ROCK2: variants seen among roughly 807,000 people sequenced by gnomAD.
ROCK2 encodes Rho associated coiled-coil containing protein kinase 2, also known as rho-associated protein kinase 2.
Under a neutral mutation model 195.1 loss-of-function variants are expected in ROCK2, and 61 were observed. That is an observed-to-expected ratio of 0.31 (90% CI 0.25 to 0.39). The LOEUF is 0.39. Among genes scored for constraint, ROCK2 ranks in the 10% least tolerant of loss-of-function variants. The pLI is 1.00. For synonymous variants in ROCK2, 504 were observed against 545.5 expected (o/e 0.92, Z 1.06); for missense variants, 1,109 against 1,637.4 (o/e 0.68, Z 5.57).
At chr2:11,310,427 A>G (rs1006199668) in intron 1 of ROCK2, among the ~76,000 whole-genome samples, 9 of 152,224 alleles carry the variant, frequency 5.9e-5, no homozygotes, top group Admixed American at 4.6e-4. Context: ...AATTGATGAA[A>G]GATATTGCCA....
At chr2:11,253,128 C>A (rs1319969089) in intron 3 of ROCK2, among the ~76,000 whole-genome samples, 1 of 151,986 alleles carries the variant, frequency 6.6e-6, no homozygotes, top group African/African-American at 2.4e-5. Flanking sequence ...TCAGAGTATG[C>A]CAGTTTTTGT....
chr2:11,228,638 T>C (rs977492869), intron 5 of ROCK2, among the ~76,000 whole-genome samples: 20 of 152,022 alleles, frequency 1.3e-4, no homozygotes, highest in Admixed American at 1.0e-3. Flanking sequence ...TAGACTTCTG[T>C]TGGGGGAAAA....
rs748608634 is a variant in ROCK2 at position 11,214,373 on chromosome 2, A to T, written c.2027T>A (p.Phe676Tyr). The stretch of plus-strand genomic sequence containing the variant: ...ATGTTTTACCTTTTCCAAATCAGTA[A>T]ATCTCTCCTGAAGTTGTCTCTTCTC... Reference protein sequence around the residue: ...ELEKRQLQERFTDLEKEKSNM... With the variant: ...ELEKRQLQERYTDLEKEKSNM... The change falls in exon 17 of 33, where the codon TTT becomes TAT. Residue 676 changes from phenylalanine (F) to tyrosine (Y), a missense_variant. This residue lies in a region of ROCK2 where 542 missense variants were observed against 672.0 expected (regional missense o/e 0.81). Transcript: ENST00000315872. 3 of 1,573,746 alleles carry T rather than the reference A, an allele frequency of 1.9e-6. No homozygotes were observed. Among genetic ancestry groups the T allele is most frequent in the Middle Eastern group, 1.7e-4 (1 of 5,958 alleles).
chr2:11,317,072 G>A (rs1668215967), intron 1 of ROCK2, among the ~76,000 whole-genome samples: 1 of 152,078 alleles, frequency 6.6e-6, no homozygotes. Flanking sequence ...AAATTATCAT[G>A]AGTCCAGAGT....
intron 3 of ROCK2, among the ~76,000 whole-genome samples, chr2:11,284,276 A>AT (rs975671521): frequency 2.6e-5 from 4 of 152,182 alleles, no homozygotes; most frequent in African/African-American, 7.2e-5. Flanking sequence ...AGCACAGAGG[A>AT]TTTTTGGGGC....
Position 11,179,924 on chromosome 2 carries a change from C to T in ROCK2, c.*3513G>A, listed in dbSNP as rs943851246. ...ATCAAATATTTATAATTTTCTAAACCATGCAGTTCATTACTTATTACAATT... is the reference window on the plus strand; with the variant it reads ...ATCAAATATTTATAATTTTCTAAACTATGCAGTTCATTACTTATTACAATT... On this transcript the variant is annotated 3_prime_UTR_variant, in exon 33 of 33. Transcript: ENST00000315872. The T allele has an allele frequency of 1.3e-5, 2 of 151,898 alleles. No individual in the cohort carries two copies. Among genetic ancestry groups the T allele is most frequent in the African/African-American group, 4.8e-5 (2 of 41,328 alleles). The allele number at this position is 151,898 out of a possible 1,614,324, so 9.4% of individuals were successfully genotyped here.
chr2:11,343,919 G>A, intron 1 of ROCK2, 77 bp downstream of exon 1: 2 of 1,481,826 alleles, frequency 1.3e-6, no homozygotes, highest in Non-Finnish European at 1.8e-6. Flanking sequence ...ACGGGCGGAC[G>A]GGCACGGAGG....
chr2:11,264,057 T>G (rs2148151799), intron 3 of ROCK2, among the ~76,000 whole-genome samples: 1 of 149,656 alleles, frequency 6.7e-6, no homozygotes, highest in South Asian at 2.1e-4. Flanking sequence ...GGGATAGGAG[T>G]AATACATGAG....
intron 32 of ROCK2, among the ~76,000 whole-genome samples, chr2:11,189,081 T>C (rs1397833689): frequency 4.0e-5 from 6 of 151,862 alleles, no homozygotes; most frequent in Admixed American, 1.3e-4. Flanking sequence ...AATGATGTAA[T>C]GGCAGATGAC....
chr2:11,299,935 A>G (rs1333111264), intron 1 of ROCK2, among the ~76,000 whole-genome samples: 1 of 152,194 alleles, frequency 6.6e-6, no homozygotes, highest in Non-Finnish European at 1.5e-5. Flanking sequence ...AACCTTTTAA[A>G]TATCTATCCT....
chr2:11,254,956 G>A (rs897269199), intron 3 of ROCK2, among the ~76,000 whole-genome samples: 2 of 151,924 alleles, frequency 1.3e-5, no homozygotes, highest in South Asian at 2.1e-4. Flanking sequence ...AGTGGCTCAC[G>A]CCTGTAATCC....
At position 11,344,600 on chromosome 2, in the gene ROCK2, G is replaced by C. The variant is rs1392089116; in HGVS notation, c.-464C>G. 3.2e-5 allele frequency: 13 copies of C among 407,722 alleles called. No individual in the cohort carries two copies. Among genetic ancestry groups the C allele is most frequent in the African/African-American group, 8.9e-5 (4 of 44,936 alleles). 25.3% of individuals were successfully genotyped at this position (407,722 alleles called of 1,614,324 possible). A position where few individuals can be genotyped will look rare whatever the true frequency, so the allele number is the denominator to read the frequency against. On this transcript the variant is annotated 5_prime_UTR_variant, in exon 1 of 33. Transcript: ENST00000315872. The surrounding 1 kb of genome is among the most constrained non-coding windows in gnomAD (Gnocchi z 5.4). ...CGGCCGCCTTGCAGTCCCTCAGCCAGCTCCCGGCGCACACACTCCCGCGCG... is the reference window on the plus strand; with the variant it reads ...CGGCCGCCTTGCAGTCCCTCAGCCACCTCCCGGCGCACACACTCCCGCGCG...
At chr2:11,305,432 T>G (rs1481889717) in intron 1 of ROCK2, among the ~76,000 whole-genome samples, 3 of 124,334 alleles carry the variant, frequency 2.4e-5, no homozygotes, top group Non-Finnish European at 5.0e-5. Flanking sequence ...TAGATAAATG[T>G]CTGTGTGGGT....
rs1663843946 is a variant in ROCK2, at chr2:11,201,361, G to A, written c.2672C>T (p.Thr891Ile). 6.2e-7 allele frequency: 1 copy of A among 1,613,102 alleles called. No homozygotes were observed. Among genetic ancestry groups the A allele is most frequent in the Non-Finnish European group, 8.5e-7 (1 of 1,179,448 alleles). Residue 891 changes from threonine to isoleucine, a missense_variant, in exon 22 of 33, where the codon ACC (threonine) becomes ATC (isoleucine). Around this residue, in one of 6 missense-constraint regions of ROCK2, gnomAD observed 542 missense variants for 672.0 expected, o/e 0.81. Coordinates refer to ENST00000315872, the MANE Select transcript of ROCK2 (RefSeq NM_004850.5). This position sits in a 1 kb window ranked among gnomAD's most constrained non-coding sequence, Gnocchi z 4.6. ...CTGCTGCAATTCTTTACCAAGTTTG[G>A]TCTTTTCTTCACATTCTTCTTTAAG... Reference protein sequence around the residue: ...RELKEECEEKTKLGKELQQKK... With the variant: ...RELKEECEEKIKLGKELQQKK...
intron 1 of ROCK2, among the ~76,000 whole-genome samples, chr2:11,307,559 G>A (rs574453537): frequency 5.3e-5 from 8 of 152,186 alleles, no homozygotes; most frequent in South Asian, 2.1e-4. Context: ...TGATCCGCCC[G>A]CCTCAGCCTC....
intron 20 of ROCK2, among the ~76,000 whole-genome samples, chr2:11,207,277 T>C (rs764244643): frequency 3.3e-5 from 5 of 152,208 alleles, no homozygotes; most frequent in Non-Finnish European, 5.9e-5. Flanking sequence ...ATTTTAACAA[T>C]ATGTTCTCCA....
In ROCK2 at chr2:11,182,734, A is replaced by C. The variant is rs1231667896; in HGVS notation, c.*703T>G. On this transcript the variant is annotated 3_prime_UTR_variant, in exon 33 of 33. Coordinates refer to ENST00000315872, the MANE Select transcript of ROCK2 (RefSeq NM_004850.5). ...GTAAAGTTGCCTATCATGAAGCATT[A>C]GGAAACTGATATAATTAACTTTAAA... 1.3e-5 allele frequency: 2 copies of C among 152,614 alleles called. No homozygotes were observed. The highest frequency in any genetic ancestry group is 2.9e-5 in the Non-Finnish European group (2 of 68,034). The allele number at this position is 152,614 out of a possible 1,614,324, so 9.5% of individuals were successfully genotyped here.
At chr2:11,253,912 C>T (rs756175157) in intron 3 of ROCK2, among the ~76,000 whole-genome samples, 8 of 152,110 alleles carry the variant, frequency 5.3e-5, no homozygotes, top group Non-Finnish European at 1.0e-4. Context: ...CAGGGAAGAA[C>T]CATGACACTT....
chr2:11,290,129 T>G (rs1237305569), intron 1 of ROCK2, among the ~76,000 whole-genome samples: 1 of 152,188 alleles, frequency 6.6e-6, no homozygotes, highest in Non-Finnish European at 1.5e-5. Context: ...CTGAATTGTT[T>G]TCAGATAACA....
Sources: allele counts gnomAD v4.1 joint callset (sites outside exome capture counted in the v4.1 genomes callset), GRCh38; gene constraint gnomAD v4.1.1; regional missense constraint gnomAD v4.1.1; non-coding constraint Gnocchi (gnomAD v3.1); transcripts MANE v1.5; gene names NCBI Gene and HGNC (gene_info 2026-07-23, HGNC 2026-07-21).